The following TMEM201 variants were observed in gnomAD, a reference collection of about 807,000 sequenced individuals.
TMEM201 encodes the protein transmembrane protein 201.
Under a neutral mutation model 63.4 loss-of-function variants are expected in TMEM201, and 26 were observed. That is an observed-to-expected ratio of 0.41 (90% CI 0.30 to 0.57). The LOEUF is 0.57. TMEM201 is among the 20% of genes least tolerant of loss of function. The pLI is 0.29. For synonymous variants in TMEM201, 417 were observed against 421.6 expected (o/e 0.99, Z 0.14); for missense variants, 794 against 917.7 (o/e 0.87, Z 1.74).
chr1:9,613,472 G>T lies in TMEM201; in HGVS notation c.*389G>T. The T allele has an allele frequency of 3.7e-6, 1 of 268,242 alleles. No homozygotes were observed. The highest frequency in any genetic ancestry group is 4.8e-5 in the Admixed American group (1 of 20,948). The allele number at this position is 268,242 out of a possible 1,614,324, so 16.6% of individuals were successfully genotyped here. A position where few individuals can be genotyped will look rare whatever the true frequency, so the allele number is the denominator to read the frequency against. On this transcript the variant is annotated 3_prime_UTR_variant, in exon 11 of 11. Transcript: ENST00000340381. The stretch of plus-strand genomic sequence containing the variant: ...TGCCCGGCCTGCCTTCTGGCCCCAC[G>T]CCCACAGGCGTAGTCACATCTTTGT...
chr1:9,607,250 G>A lies in TMEM201; in HGVS notation c.1161-307G>A, dbSNP rs1644257974. The stretch of plus-strand genomic sequence containing the variant: ...CTTCAAGGCGAAAGGGTTGGCATGA[G>A]GTTGGCAAAGGCGACAGTGTCACTT... On this transcript the variant is annotated intron_variant, in intron 6 of 10. Transcript: ENST00000340381. This position sits in a 1 kb window ranked among gnomAD's most constrained non-coding sequence, Gnocchi z 5.4. Among the ~76,000 whole-genome samples the A allele has an allele frequency of 6.6e-6, 1 of 152,156 alleles. No homozygotes were observed.
In TMEM201 at chr1:9,607,522, C is replaced by T; in HGVS notation, c.1161-35C>T. The T allele has an allele frequency of 6.6e-7, 1 of 1,508,300 alleles. No homozygotes were observed. The highest frequency in any genetic ancestry group is 8.9e-7 in the Non-Finnish European group (1 of 1,118,652). 93.4% of individuals were successfully genotyped at this position (1,508,300 alleles called of 1,614,324 possible). The stretch of plus-strand genomic sequence containing the variant: ...GCTGCCTCCAGGACCTCCCGCTGAC[C>T]CTCTTCTTGTCCCGTGCCTGACGGG... On this transcript the variant is annotated intron_variant, in intron 6 of 10. Transcript: ENST00000340381. This position sits in a 1 kb window ranked among gnomAD's most constrained non-coding sequence, Gnocchi z 5.4.
At chr1:9,592,989 A>T (rs975570121) in intron 1 of TMEM201, among the ~76,000 whole-genome samples, 2 of 152,138 alleles carry the variant, frequency 1.3e-5, no homozygotes, top group African/African-American at 4.8e-5. Flanking sequence ...CTGTCACGTT[A>T]CCTCAAACCT....
At chr1:9,598,279 G>A (rs1644063349) in intron 3 of TMEM201, among the ~76,000 whole-genome samples, 170 bp from the exon 4 acceptor site, 1 of 152,172 alleles carries the variant, frequency 6.6e-6, no homozygotes, top group African/African-American at 2.4e-5. Context: ...TCTACACAGT[G>A]GGCATTTGTC....
intron 1 of TMEM201, 29 bp from the exon 2 acceptor site, chr1:9,595,861 G>C: frequency 6.2e-7 from 1 of 1,611,496 alleles, no homozygotes; most frequent in Non-Finnish European, 8.5e-7. Context: ...GGGTCTTCCA[G>C]GCCAACCCGC....
chr1:9,609,933 G>A (rs1347210410), intron 8 of TMEM201, 22 bp downstream of exon 8: 1 of 1,550,534 alleles, frequency 6.4e-7, no homozygotes, highest in Non-Finnish European at 8.7e-7. Context: ...AGAGAGCTAA[G>A]TGGGGGACGG....
intron 7 of TMEM201, 45 bp from the exon 8 acceptor site, chr1:9,609,795 G>A (rs553467033): frequency 4.4e-5 from 68 of 1,542,186 alleles, no homozygotes; most frequent in Non-Finnish European, 5.0e-5. Context: ...GCCTCTGCAC[G>A]TCATCCACAG....
intron 4 of TMEM201, among the ~76,000 whole-genome samples, chr1:9,599,517 A>G (rs900543949): frequency 6.6e-6 from 1 of 152,194 alleles, no homozygotes; most frequent in African/African-American, 2.4e-5. Flanking sequence ...GGCCTCCCAA[A>G]GTGCTGGGAT....
At chr1:9,590,012 C>T (rs1214957665) in intron 1 of TMEM201, among the ~76,000 whole-genome samples, 1 of 152,204 alleles carries the variant, frequency 6.6e-6, no homozygotes, top group Non-Finnish European at 1.5e-5. Flanking sequence ...ACCGGTGCTG[C>T]TTCTCTCCTC....
In TMEM201 at chr1:9,604,518, C is replaced by T. The variant is rs1001241281; in HGVS notation, c.1160+2246C>T. 14 of 985,302 alleles carry T rather than the reference C, an allele frequency of 1.4e-5. No individual in the cohort carries two copies. Among genetic ancestry groups the T allele is most frequent in the African/African-American group, 3.5e-5 (2 of 57,228 alleles). The allele number at this position is 985,302 out of a possible 1,614,324, so 61.0% of individuals were successfully genotyped here. On this transcript the variant is annotated intron_variant, in intron 6 of 10. Coordinates refer to ENST00000340381, the MANE Select transcript of TMEM201 (RefSeq NM_001130924.3). This position sits in a 1 kb window ranked among gnomAD's most constrained non-coding sequence, Gnocchi z 4.1. ...CACCACTGTGTTGTGGCTTGTTGAC[C>T]GGGAATGTGTCACCCCTGCCAGGGA...
Position 9,604,722 on chromosome 1 carries a change from G to A in TMEM201, c.1160+2450G>A. 1 of 986,002 alleles carries A rather than the reference G, an allele frequency of 1.0e-6. No homozygotes were observed. The allele number at this position is 986,002 out of a possible 1,614,324, so 61.1% of individuals were successfully genotyped here. On this transcript the variant is annotated intron_variant, in intron 6 of 10. Coordinates refer to ENST00000340381, the MANE Select transcript of TMEM201 (RefSeq NM_001130924.3). The surrounding 1 kb of genome is among the most constrained non-coding windows in gnomAD (Gnocchi z 4.1). ...GGCCCCCCGTACCCCTTGCCTGGGAGCAAACCGCCAGGACGCAGCCTCCAC... is the reference window on the plus strand; with the variant it reads ...GGCCCCCCGTACCCCTTGCCTGGGAACAAACCGCCAGGACGCAGCCTCCAC...
intron 6 of TMEM201, among the ~76,000 whole-genome samples, chr1:9,606,903 G>T (rs1644253237): frequency 1.3e-5 from 2 of 152,178 alleles, no homozygotes; most frequent in African/African-American, 4.8e-5. Context: ...CTCTTCCAGG[G>T]GGTTCCAAGG....
chr1:9,591,279 A>C (rs1401331789), intron 1 of TMEM201, among the ~76,000 whole-genome samples: 1 of 152,238 alleles, frequency 6.6e-6, no homozygotes, highest in African/African-American at 2.4e-5. Flanking sequence ...TGAGGAAACC[A>C]AAGCTTGGGG....
In TMEM201 at chr1:9,591,240, C is replaced by T. The variant is rs530577566; in HGVS notation, c.113+2197C>T. Among the ~76,000 whole-genome samples the T allele has an allele frequency of 5.9e-3, 895 of 152,308 alleles. 6 individuals are homozygous for T. The highest frequency in any genetic ancestry group is 0.021 in the African/African-American group (857 of 41,556). ...CTGTCTCCTCATGAAACTGCCAGGG[C>T]GGGCTCTACTGTTCTCCCATTTTAC... is the stretch of plus-strand genomic sequence containing the variant. On this transcript the variant is annotated intron_variant, in intron 1 of 10. Coordinates refer to ENST00000340381, the MANE Select transcript of TMEM201 (RefSeq NM_001130924.3).
At position 9,602,982 on chromosome 1, in the gene TMEM201, C is replaced by T. The variant is rs867174222; in HGVS notation, c.1160+710C>T. 7.7e-5 allele frequency: 76 copies of T among 985,594 alleles called. No homozygotes were observed. In the Middle Eastern group the frequency reaches 1.6e-3, roughly 20 times the overall value. The allele number at this position is 985,594 out of a possible 1,614,324, so 61.1% of individuals were successfully genotyped here. A position where few individuals can be genotyped will look rare whatever the true frequency, so the allele number is the denominator to read the frequency against. Reference sequence around the variant, plus strand: ...GTTCTTGGGCCCAGCCTGGCCTTCGCCATGAGTTTGGGGAGCGAGACCCCA... The same window carrying T: ...GTTCTTGGGCCCAGCCTGGCCTTCGTCATGAGTTTGGGGAGCGAGACCCCA... On this transcript the variant is annotated intron_variant, in intron 6 of 10. Transcript: ENST00000340381.
rs1216394530 is a variant in TMEM201 at position 9,610,811 on chromosome 1, GC to G, written c.1765+8del. 1 of 1,533,566 alleles carries G rather than the reference GC, an allele frequency of 6.5e-7. No homozygotes were observed. The highest frequency in any genetic ancestry group is 1.4e-5 in the African/African-American group (1 of 72,786). 95.0% of individuals were successfully genotyped at this position (1,533,566 alleles called of 1,614,324 possible). A position where few individuals can be genotyped will look rare whatever the true frequency, so the allele number is the denominator to read the frequency against. ...GGACGTGAAGCACGCCCTGGGTACG[GC>G]CTTCTGACCACCCCAAGGGGCCGTG... On this transcript the variant is annotated splice_region_variant and intron_variant, in intron 9 of 10. Coordinates refer to ENST00000340381, the MANE Select transcript of TMEM201 (RefSeq NM_001130924.3). The surrounding 1 kb of genome is among the most constrained non-coding windows in gnomAD (Gnocchi z 4.9).
At position 9,613,101 on chromosome 1, in the gene TMEM201, T is replaced by C; in HGVS notation, c.*18T>C. The C allele has an allele frequency of 1.3e-6, 2 of 1,549,036 alleles. No individual in the cohort carries two copies. The highest frequency in any genetic ancestry group is 1.7e-6 in the Non-Finnish European group (2 of 1,146,640). The stretch of plus-strand genomic sequence containing the variant: ...TGCGCTGACCCACCGTTGGAGCCCC[T>C]CGGAGGGGAGCAACCCGGTGCCTGC... On this transcript the variant is annotated 3_prime_UTR_variant, in exon 11 of 11. Transcript: ENST00000340381.
intron 3 of TMEM201, among the ~76,000 whole-genome samples, chr1:9,597,543 T>C (rs1036089445): frequency 2.0e-5 from 3 of 152,208 alleles, no homozygotes; most frequent in Admixed American, 1.3e-4. Flanking sequence ...GCTGAGAGGC[T>C]TGGCATTAAG....
intron 1 of TMEM201, among the ~76,000 whole-genome samples, chr1:9,589,889 C>T (rs1262891901): frequency 1.3e-5 from 2 of 152,218 alleles, no homozygotes; most frequent in African/African-American, 4.8e-5. Context: ...ATGCAATGAG[C>T]TCACACCCTT....
Sources: gnomAD v4.1 joint callset for allele counts (sites outside exome capture counted in the v4.1 genomes callset) on GRCh38, gnomAD v4.1.1 for gene constraint, Gnocchi (gnomAD v3.1) non-coding constraint, MANE v1.5 for transcripts, NCBI Gene and HGNC (gene_info 2026-07-23, HGNC 2026-07-21) for gene names.